The following DENND5B variants were observed in gnomAD, a reference collection of about 807,000 sequenced individuals.
DENND5B encodes DENN domain-containing protein 5B.
DENND5B carries 34 observed loss-of-function variants against 140.6 expected under a neutral mutation model. The observed-to-expected ratio is 0.24, with a 90% CI of 0.18 to 0.32. The LOEUF (loss-of-function observed/expected upper bound fraction) is 0.32. DENND5B is among the 10% of genes least tolerant of loss of function. DENND5B has a pLI of 1.00. For missense variants in DENND5B, 1,142 were observed against 1,560.2 expected (o/e 0.73, Z 4.52); for synonymous variants, 551 against 562.1 (o/e 0.98, Z 0.28).
intron 1 of DENND5B, chr12:31,540,836 T>C: frequency 4.6e-6 from 1 of 215,168 alleles, no homozygotes; most frequent in Non-Finnish European, 9.8e-6. Context: ...AGGATGATAC[T>C]GGCATAAAAA....
rs943495410 is a variant in DENND5B at position 31,385,086 on chromosome 12, C to G, written c.*2517G>C. ...TTAGCCACCGTACCTGGCCTGCTCC[C>G]AGTTTTTACAAGATGTTAATTCCCA... On this transcript the variant is annotated 3_prime_UTR_variant, in exon 21 of 21. Transcript: ENST00000389082. 2 of 152,070 alleles carry G rather than the reference C, an allele frequency of 1.3e-5. No individual in the cohort carries two copies. The highest frequency in any genetic ancestry group is 6.6e-5 in the Admixed American group (1 of 15,244). The allele number at this position is 152,070 out of a possible 1,614,324, so 9.4% of individuals were successfully genotyped here. A position where few individuals can be genotyped will look rare whatever the true frequency, so the allele number is the denominator to read the frequency against.
At chr12:31,547,803 C>G (rs1231320034) in intron 1 of DENND5B, among the ~76,000 whole-genome samples, 12 of 152,072 alleles carry the variant, frequency 7.9e-5, no homozygotes, top group Admixed American at 3.9e-4. Flanking sequence ...CCACCGGGTT[C>G]AAGCAATTCT....
At chr12:31,547,061 A>G (rs777541720) in intron 1 of DENND5B, among the ~76,000 whole-genome samples, 1 of 152,170 alleles carries the variant, frequency 6.6e-6, no homozygotes, top group Non-Finnish European at 1.5e-5. Flanking sequence ...TTTTTCCTCT[A>G]GAGTTTCTCT....
chr12:31,387,863 G>T, intron 20 of DENND5B, 77 bp from the exon 21 acceptor site: 1 of 1,444,210 alleles, frequency 6.9e-7, no homozygotes, highest in Non-Finnish European at 9.4e-7. Flanking sequence ...GAGTCTGTAT[G>T]AATGGGAAGG....
chr12:31,445,439 C>T (rs1944233260), intron 6 of DENND5B, among the ~76,000 whole-genome samples: 1 of 152,136 alleles, frequency 6.6e-6, no homozygotes, highest in African/African-American at 2.4e-5. Flanking sequence ...CATGATGGCT[C>T]ATGCCTGTAA....
At chr12:31,563,412 C>T (rs777201774) in intron 1 of DENND5B, among the ~76,000 whole-genome samples, 1 of 152,022 alleles carries the variant, frequency 6.6e-6, no homozygotes, top group Non-Finnish European at 1.5e-5. Context: ...GGGGTAAAAA[C>T]AAAAACAAAA....
chr12:31,460,065 G>T, intron 4 of DENND5B, 129 bp downstream of exon 4: 3 of 875,734 alleles, frequency 3.4e-6, no homozygotes, highest in Non-Finnish European at 5.2e-6. Context: ...CTCTCCCCTA[G>T]CCATACTTGG....
intron 1 of DENND5B, among the ~76,000 whole-genome samples, chr12:31,578,106 G>C (rs554535741): frequency 9.2e-4 from 124 of 134,312 alleles, no homozygotes; most frequent in Middle Eastern, 8.9e-3. Context: ...CAGCCTGGGG[G>C]ACAAAGTGGG....
intron 7 of DENND5B, among the ~76,000 whole-genome samples, chr12:31,437,830 CATTTTA>C (rs1256428299): frequency 2.0e-5 from 3 of 152,130 alleles, no homozygotes; most frequent in East Asian, 3.8e-4. Context: ...ATTCTATAAA[CATTTTA>C]ATTTTGTTTC....
At chr12:31,411,121 C>T (rs1942438175) in intron 13 of DENND5B, among the ~76,000 whole-genome samples, 1 of 151,562 alleles carries the variant, frequency 6.6e-6, no homozygotes, top group Non-Finnish European at 1.5e-5. Flanking sequence ...TCACCGCAAC[C>T]TCTCGTCTCC....
intron 8 of DENND5B, among the ~76,000 whole-genome samples, chr12:31,430,682 ACT>A (rs1943472642): frequency 6.6e-6 from 1 of 151,828 alleles, no homozygotes; most frequent in African/African-American, 2.4e-5. Flanking sequence ...AAAATTAAGC[ACT>A]GTTTAAAGTT....
At chr12:31,519,649 A>T (rs1369615075) in intron 1 of DENND5B, among the ~76,000 whole-genome samples, 1 of 152,210 alleles carries the variant, frequency 6.6e-6, no homozygotes, top group African/African-American at 2.4e-5. Context: ...TCAAAAAAGG[A>T]CAGTCCATTT....
chr12:31,497,923 G>C (rs1167393811), intron 1 of DENND5B, among the ~76,000 whole-genome samples: 2 of 75,222 alleles, frequency 2.7e-5, no homozygotes, highest in East Asian at 5.3e-4. Flanking sequence ...AGGGGCAGGG[G>C]CAAGGGCAGG....
At chr12:31,432,672 T>C (rs1943560953) in intron 8 of DENND5B, 1 of 152,702 alleles carries the variant, frequency 6.5e-6, no homozygotes, top group South Asian at 2.1e-4. Context: ...AGAGTACAAA[T>C]AAAAGTGTAA....
At chr12:31,500,145 A>G (rs1946945855) in intron 1 of DENND5B, among the ~76,000 whole-genome samples, 1 of 152,220 alleles carries the variant, frequency 6.6e-6, no homozygotes, top group Non-Finnish European at 1.5e-5. Context: ...CTGGCACTCA[A>G]AAAGTTCAAA....
chr12:31,506,614 ACC>A (rs1947213224), intron 1 of DENND5B, among the ~76,000 whole-genome samples: 1 of 152,204 alleles, frequency 6.6e-6, no homozygotes, highest in Non-Finnish European at 1.5e-5. Context: ...GTCCCAGGCT[ACC>A]TGCACTTCTA....
At position 31,579,430 on chromosome 12, in the gene DENND5B, G is replaced by C. The variant is rs899212776; in HGVS notation, c.127+11276C>G. On this transcript the variant is annotated intron_variant, in intron 1 of 20. Transcript: ENST00000389082. ...TAATCCCAGCACTTTGGGTAGCCGAGGGGGGTGATCACCTGAAGCCAGGAG... is the reference window on the plus strand; with the variant it reads ...TAATCCCAGCACTTTGGGTAGCCGACGGGGGTGATCACCTGAAGCCAGGAG... Among the ~76,000 whole-genome samples the C allele has an allele frequency of 2.6e-5, 4 of 152,206 alleles. No homozygotes were observed. The South Asian group carries it at 8.3e-4, about 32-fold the overall frequency.
intron 3 of DENND5B, among the ~76,000 whole-genome samples, chr12:31,469,346 A>AGAAG (rs1555156513): frequency 1.6e-4 from 21 of 130,192 alleles, no homozygotes; most frequent in East Asian, 2.4e-4. Context: ...AAAAAAAAAA[A>AGAAG]AAGAAGAAGA....
At chr12:31,477,919 C>A in intron 3 of DENND5B, 1 of 226,250 alleles carries the variant, frequency 4.4e-6, no homozygotes, top group Non-Finnish European at 1.0e-5. Context: ...TAAGCTCTGC[C>A]TCAAGAGCAC....
Sources: allele counts gnomAD v4.1 joint callset (sites outside exome capture counted in the v4.1 genomes callset), GRCh38; gene constraint gnomAD v4.1.1; transcripts MANE v1.5; gene names NCBI Gene and HGNC (gene_info 2026-07-23, HGNC 2026-07-21).